Variants in INPP4B observed in about 807,000 individuals in gnomAD.
INPP4B encodes inositol polyphosphate-4-phosphatase type II B.
A neutral mutation model predicts 122.5 loss-of-function variants in INPP4B; 55 were observed. That is an observed-to-expected ratio of 0.45 (90% CI 0.36 to 0.56). INPP4B has a LOEUF of 0.56. Ranked by LOEUF, INPP4B falls within the 20% of genes least tolerant of loss-of-function variation. The probability of loss-of-function intolerance (pLI) is 0.00; values close to 1 mark genes in which losing one functional copy is unlikely to be tolerated. For synonymous variants in INPP4B, 403 were observed against 388.7 expected, an observed-to-expected ratio of 1.04 and a Z score of -0.43; for missense variants, 1,000 against 1,097.7, an observed-to-expected ratio of 0.91 and a Z score of 1.26.
intron 2 of INPP4B, among the ~76,000 whole-genome samples, chr4:142,603,865 A>G (rs1318772864): frequency 1.3e-5 from 2 of 151,530 alleles, no homozygotes; most frequent in Admixed American, 6.6e-5. Flanking sequence ...AGCTCATTTT[A>G]TAAGAACAGA....
chr4:142,654,954 A>C (rs1753848218), intron 2 of INPP4B, among the ~76,000 whole-genome samples: 1 of 152,180 alleles, frequency 6.6e-6, no homozygotes, highest in Admixed American at 6.6e-5. Flanking sequence ...TATAGCTGCC[A>C]AAAAGAGAAA....
At chr4:142,374,075 T>G (rs1237539725) in intron 7 of INPP4B, among the ~76,000 whole-genome samples, 1 of 151,904 alleles carries the variant, frequency 6.6e-6, no homozygotes, top group African/African-American at 2.4e-5. Context: ...TTGTTTTAGT[T>G]TAGGGTGTGT....
chr4:142,845,623 T>C (rs1311196114), intron 1 of INPP4B, among the ~76,000 whole-genome samples: 2 of 152,224 alleles, frequency 1.3e-5, no homozygotes, highest in East Asian at 3.9e-4. Flanking sequence ...GTCAAGGAGA[T>C]GGGCTCTTTA....
chr4:142,108,734 G>A (rs1285021206), intron 22 of INPP4B, among the ~76,000 whole-genome samples: 1 of 152,090 alleles, frequency 6.6e-6, no homozygotes, highest in Non-Finnish European at 1.5e-5. Context: ...ATACCATGAA[G>A]TCAAATGGTT....
chr4:142,146,790 C>T (rs1478960329), intron 17 of INPP4B, among the ~76,000 whole-genome samples: 1 of 152,144 alleles, frequency 6.6e-6, no homozygotes. Flanking sequence ...AGAACCTCTA[C>T]TTAATATTAT....
chr4:142,195,678 C>T (rs1837895868), intron 14 of INPP4B, among the ~76,000 whole-genome samples: 1 of 152,082 alleles, frequency 6.6e-6, no homozygotes, highest in South Asian at 2.1e-4. Flanking sequence ...CTTCAACTTC[C>T]CCCAAAACAT....
chr4:142,411,088 A>G (rs1024066743), intron 5 of INPP4B, among the ~76,000 whole-genome samples: 2 of 152,198 alleles, frequency 1.3e-5, no homozygotes, highest in African/African-American at 4.8e-5. Flanking sequence ...GTGAAATCAG[A>G]TGTGTACACT....
chr4:142,766,740 A>G (rs1772210600), intron 1 of INPP4B: 1 of 152,116 alleles, frequency 6.6e-6, no homozygotes, highest in Non-Finnish European at 1.5e-5. Context: ...TTCCTTACCT[A>G]AGACCATAGG....
intron 7 of INPP4B, among the ~76,000 whole-genome samples, chr4:142,354,806 C>A (rs1445925521): frequency 6.6e-6 from 1 of 151,980 alleles, no homozygotes; most frequent in African/African-American, 2.4e-5. Flanking sequence ...ATTAGGGAGA[C>A]AAGCTAAATA....
intron 2 of INPP4B, among the ~76,000 whole-genome samples, chr4:142,476,695 T>G (rs1443079030): frequency 6.6e-6 from 1 of 151,866 alleles, no homozygotes; most frequent in Non-Finnish European, 1.5e-5. Context: ...CAAACAGTGA[T>G]CAAAAATGAC....
At chr4:142,806,011 T>C (rs1459689075) in intron 1 of INPP4B, among the ~76,000 whole-genome samples, 1 of 152,152 alleles carries the variant, frequency 6.6e-6, no homozygotes, top group Non-Finnish European at 1.5e-5. Flanking sequence ...CCGGGTGCAG[T>C]AGCTCACGCC....
intron 2 of INPP4B, among the ~76,000 whole-genome samples, chr4:142,552,772 T>C (rs1728284604): frequency 6.6e-6 from 1 of 152,176 alleles, no homozygotes; most frequent in Non-Finnish European, 1.5e-5. Flanking sequence ...GTAGGAATAA[T>C]TGTCATCCCA....
At chr4:142,481,904 G>C (rs1580176170) in intron 2 of INPP4B, among the ~76,000 whole-genome samples, 1 of 152,268 alleles carries the variant, frequency 6.6e-6, no homozygotes, top group Non-Finnish European at 1.5e-5. Context: ...AGTTTACATA[G>C]CCATAAGTGG....
intron 1 of INPP4B, among the ~76,000 whole-genome samples, chr4:142,757,806 A>T (rs532859708): frequency 1.3e-5 from 2 of 152,176 alleles, no homozygotes; most frequent in Non-Finnish European, 2.9e-5. Context: ...TAGGGTAAGA[A>T]TATATTTGGC....
At chr4:142,545,724 T>TATATATATACACAC (rs1829495332) in intron 2 of INPP4B, among the ~76,000 whole-genome samples, 1 of 123,726 alleles carries the variant, frequency 8.1e-6, no homozygotes, top group African/African-American at 3.2e-5. Flanking sequence ...TGTATATGTG[T>TATATATATACACAC]GTATATACAC....
chr4:142,819,201 A>G (rs894135385), intron 1 of INPP4B, among the ~76,000 whole-genome samples: 2 of 152,216 alleles, frequency 1.3e-5, no homozygotes, highest in South Asian at 4.1e-4. Flanking sequence ...AGTAATAAAC[A>G]GCTTTAGCAG....
intron 1 of INPP4B, among the ~76,000 whole-genome samples, chr4:142,758,656 A>C (rs1013284686): frequency 1.3e-5 from 2 of 152,156 alleles, no homozygotes; most frequent in Non-Finnish European, 2.9e-5. Context: ...AGCAACCTTG[A>C]AATTCACTTG....
At chr4:142,801,628 C>T (rs1471794513) in intron 1 of INPP4B, among the ~76,000 whole-genome samples, 2 of 152,094 alleles carry the variant, frequency 1.3e-5, no homozygotes, top group Non-Finnish European at 2.9e-5. Context: ...TTTATTATGC[C>T]AACCCAAGCA....
intron 7 of INPP4B, among the ~76,000 whole-genome samples, chr4:142,328,534 A>C (rs1773293411): frequency 6.6e-6 from 1 of 152,180 alleles, no homozygotes; most frequent in African/African-American, 2.4e-5. Flanking sequence ...ATCACAAAAG[A>C]TTGAATACAG....
Sources: allele counts gnomAD v4.1 joint callset (sites outside exome capture counted in the v4.1 genomes callset), GRCh38; gene constraint gnomAD v4.1.1; transcripts MANE v1.5; gene names NCBI Gene and HGNC (gene_info 2026-07-23, HGNC 2026-07-21).